Variants in GPATCH2 observed in about 807,000 individuals in gnomAD.
GPATCH2 encodes the protein G patch domain-containing protein 2.
Under a neutral mutation model 58.0 loss-of-function variants are expected in GPATCH2, and 51 were observed. That is an observed-to-expected ratio of 0.88 (90% confidence interval 0.70 to 1.11). The LOEUF is 1.11. GPATCH2 is among the 50% of genes most tolerant of loss of function. The probability of loss-of-function intolerance (pLI) is 0.00; values close to 1 mark genes in which losing one functional copy is unlikely to be tolerated. For synonymous variants in GPATCH2, 222 were observed against 218.5 expected, an observed-to-expected ratio of 1.02 and a Z score of -0.14; for missense variants, 625 against 652.2, an observed-to-expected ratio of 0.96 and a Z score of 0.45.
chr1:217,620,713 T>G (rs2102842243), intron 1 of GPATCH2, among the ~76,000 whole-genome samples: 1 of 152,344 alleles, frequency 6.6e-6, no homozygotes, highest in Non-Finnish European at 1.5e-5. Flanking sequence ...TAGGAATTAC[T>G]TCCAAGATAG....
intron 5 of GPATCH2, among the ~76,000 whole-genome samples, chr1:217,523,788 T>G (rs1663618728): frequency 7.2e-6 from 1 of 138,812 alleles, no homozygotes. Context: ...ACGGGGCGGC[T>G]GGCCAGGTGG....
chr1:217,598,445 TA>T (rs148641759), intron 5 of GPATCH2, among the ~76,000 whole-genome samples: 8 of 151,614 alleles, frequency 5.3e-5, no homozygotes, highest in East Asian at 3.9e-4. Flanking sequence ...CCATCAACAT[TA>T]AAAAAAATTT....
At chr1:217,533,646 A>ATGAAATAAAGCAATAATCACTTGT (rs1157022399) in intron 5 of GPATCH2, among the ~76,000 whole-genome samples, 4 of 152,230 alleles carry the variant, frequency 2.6e-5, no homozygotes, top group Non-Finnish European at 5.9e-5. Flanking sequence ...CATGGCAAAT[A>ATGAAATAAAGCAATAATCACTTGT]TGAAATAAAG....
At chr1:217,619,421 T>C (rs1669070543) in intron 2 of GPATCH2, among the ~76,000 whole-genome samples, 2 of 152,170 alleles carry the variant, frequency 1.3e-5, no homozygotes, top group South Asian at 4.1e-4. Context: ...TGACACTCTA[T>C]AAAGTACCAA....
chr1:217,598,626 C>T (rs747817868), intron 5 of GPATCH2, among the ~76,000 whole-genome samples: 3 of 151,608 alleles, frequency 2.0e-5, no homozygotes, highest in African/African-American at 4.8e-5. Context: ...CCACCACACC[C>T]GGCTAATTTT....
At chr1:217,555,770 CCTACA>C (rs1314073045) in intron 5 of GPATCH2, among the ~76,000 whole-genome samples, 2 of 152,122 alleles carry the variant, frequency 1.3e-5, no homozygotes, top group Admixed American at 6.6e-5. Flanking sequence ...ATTTCTAACA[CCTACA>C]CTACACTTCT....
intron 5 of GPATCH2, among the ~76,000 whole-genome samples, chr1:217,585,029 T>C (rs1480304820): frequency 1.3e-5 from 2 of 152,102 alleles, no homozygotes; most frequent in African/African-American, 4.8e-5. Context: ...TAATGCATAA[T>C]AGACCTTATA....
chr1:217,511,092 G>A (rs556407115), intron 6 of GPATCH2, among the ~76,000 whole-genome samples: 289 of 151,890 alleles, frequency 1.9e-3, no homozygotes, highest in African/African-American at 6.7e-3. Context: ...GTGAGAATCC[G>A]TGTCAAAAGA....
chr1:217,514,829 G>A lies in GPATCH2; in HGVS notation c.1159C>T (p.His387Tyr), dbSNP rs766783482. Residue 387 changes from histidine (H) to tyrosine (Y), a missense_variant, in exon 6 of 10, where the codon CAC (histidine) becomes TAC (tyrosine). Coordinates refer to ENST00000366935, the MANE Select transcript of GPATCH2 (RefSeq NM_018040.5). ...RMVHFSPDSH[H>Y]HDHWFSPGAR... ...AACACACTGAGTACTCACTCATGGT[G>A]ATGAGAATCCGGGGAAAAATGAACC... 2 of 1,469,598 alleles carry A rather than the reference G, an allele frequency of 1.4e-6. No homozygotes were observed. The highest frequency in any genetic ancestry group is 1.9e-6 in the Non-Finnish European group (2 of 1,048,430). 91.0% of individuals were successfully genotyped at this position (1,469,598 alleles called of 1,614,324 possible).
At chr1:217,553,361 G>C (rs1287094843) in intron 5 of GPATCH2, among the ~76,000 whole-genome samples, 1 of 151,886 alleles carries the variant, frequency 6.6e-6, no homozygotes, top group Non-Finnish European at 1.5e-5. Context: ...AAAAAATTTG[G>C]TATACATCTA....
intron 9 of GPATCH2, among the ~76,000 whole-genome samples, chr1:217,447,794 T>C (rs1321171677): frequency 2.0e-5 from 3 of 152,152 alleles, no homozygotes; most frequent in Admixed American, 2.0e-4. Flanking sequence ...TGGAATAGGT[T>C]CCCTAATAGA....
At chr1:217,625,976 T>A (rs1288829387) in intron 1 of GPATCH2, among the ~76,000 whole-genome samples, 1 of 152,046 alleles carries the variant, frequency 6.6e-6, no homozygotes, top group Admixed American at 6.5e-5. Context: ...AGAGAGACTC[T>A]GTCTCAAAAA....
chr1:217,554,564 A>G (rs1316617057), intron 5 of GPATCH2, among the ~76,000 whole-genome samples: 1 of 152,244 alleles, frequency 6.6e-6, no homozygotes, highest in East Asian at 1.9e-4. Flanking sequence ...TGCTGTAGTT[A>G]CTATGTGTTG....
At chr1:217,587,769 A>C (rs1293670758) in intron 5 of GPATCH2, among the ~76,000 whole-genome samples, 2 of 152,194 alleles carry the variant, frequency 1.3e-5, no homozygotes, top group Admixed American at 1.3e-4. Flanking sequence ...GGGAGGAGTA[A>C]GGAACAAAAA....
intron 5 of GPATCH2, among the ~76,000 whole-genome samples, chr1:217,554,820 T>A (rs1013938661): frequency 2.6e-5 from 4 of 152,236 alleles, no homozygotes; most frequent in Non-Finnish European, 4.4e-5. Flanking sequence ...AACCCCATTC[T>A]TTATTTTCAA....
chr1:217,536,122 A>G (rs1017176203), intron 5 of GPATCH2, among the ~76,000 whole-genome samples: 4 of 152,160 alleles, frequency 2.6e-5, no homozygotes, highest in African/African-American at 9.7e-5. Flanking sequence ...TTAGTCTCAC[A>G]AGTGAGAAAA....
chr1:217,579,476 A>T (rs1666958765), intron 5 of GPATCH2, among the ~76,000 whole-genome samples: 1 of 152,178 alleles, frequency 6.6e-6, no homozygotes, highest in African/African-American at 2.4e-5. Flanking sequence ...AGAGATGTGT[A>T]AATCAATACA....
chr1:217,505,947 CA>C (rs1662534214), intron 6 of GPATCH2, among the ~76,000 whole-genome samples: 1 of 152,182 alleles, frequency 6.6e-6, no homozygotes, highest in African/African-American at 2.4e-5. Context: ...CTCAGCCTCC[CA>C]ACTGGTTGGG....
chr1:217,592,037 A>C (rs1440534201), intron 5 of GPATCH2, among the ~76,000 whole-genome samples: 1 of 150,034 alleles, frequency 6.7e-6, no homozygotes, highest in East Asian at 1.9e-4. Context: ...CACAACTTAA[A>C]GAAAGAACTA....
Sources: allele counts gnomAD v4.1 joint callset (sites outside exome capture counted in the v4.1 genomes callset), GRCh38; gene constraint gnomAD v4.1.1; transcripts MANE v1.5; gene names NCBI Gene and HGNC (gene_info 2026-07-23, HGNC 2026-07-21).